Variants in KLK5 observed in about 807,000 individuals in gnomAD.
KLK5 encodes the protein kallikrein related peptidase 5.
KLK5 carries 18 observed loss-of-function variants against 24.0 expected under a neutral mutation model. That is an observed-to-expected ratio of 0.75 (90% CI 0.52 to 1.11). The LOEUF is 1.11. Ranked by LOEUF, KLK5 falls within the 50% of genes most tolerant of loss-of-function variation. The pLI is 0.00. For synonymous variants in KLK5, 140 were observed against 154.0 expected (o/e 0.91, Z 0.67); for missense variants, 374 against 379.2 (o/e 0.99, Z 0.11).
rs1246054385 is a variant in KLK5 at position 50,948,902 on chromosome 19, T to A, written c.549A>T (p.Thr183=). 2.5e-6 allele frequency: 4 copies of A among 1,614,070 alleles called. No homozygotes were observed. The highest frequency in any genetic ancestry group is 3.4e-6 in the Non-Finnish European group (4 of 1,180,012). ...NVSSHCPSAG[T]KCLVSGWGTT... ...TCCCCCAGCCAGACACCAAGCACTT[T>A]GTCCCAGCAGAGGGACAATGAGAGG... Residue 183 remains threonine, a synonymous_variant, in exon 4 of 6, where the codon ACA becomes ACT. Transcript: ENST00000336334.
chr19:50,948,836 T>C (rs949358187), intron 4 of KLK5, 23 bp downstream of exon 4: 6 of 1,613,826 alleles, frequency 3.7e-6, no homozygotes, highest in Admixed American at 3.3e-5. Context: ...TGGGTCGGTA[T>C]CAAGAAGAAC....
intron 5 of KLK5, 114 bp downstream of exon 5, chr19:50,948,526 G>A: frequency 9.8e-7 from 1 of 1,016,814 alleles, no homozygotes; most frequent in Non-Finnish European, 1.5e-6. Context: ...AGCTCTGTGA[G>A]AACAGGGGTC....
In KLK5 at chr19:50,947,976, C is replaced by T. The variant is rs2090650186; in HGVS notation, c.726+664G>A. On this transcript the variant is annotated intron_variant, in intron 5 of 5. Coordinates refer to ENST00000336334, the MANE Select transcript of KLK5 (RefSeq NM_012427.5). The surrounding 1 kb of genome is among the most constrained non-coding windows in gnomAD (Gnocchi z 8.7). ...ATGTGCTGTCAGCATAACATATATA[C>T]TCACTTTCAAAGACTTAATATGAAA... 6.6e-6 allele frequency among the ~76,000 whole-genome samples: 1 copy of T among 152,168 alleles called. No individual in the cohort carries two copies. The highest frequency in any genetic ancestry group is 2.1e-4 in the South Asian group (1 of 4,826).
At position 50,948,657 on chromosome 19, in the gene KLK5, C is replaced by G; in HGVS notation, c.709G>C (p.Gly237Arg). 4.3e-6 allele frequency: 7 copies of G among 1,614,126 alleles called. No individual in the cohort carries two copies. The highest frequency in any genetic ancestry group is 5.9e-6 in the Non-Finnish European group (7 of 1,180,012). Residue 237 changes from glycine (G) to arginine (R), a missense_variant, in exon 5 of 6, where the codon GGT (glycine) becomes CGT (arginine). By Grantham distance (125) the Gly-to-Arg change is moderately radical. Transcript: ENST00000336334. ...GTCCTCACCTGGCAGGAGTCTCTAC[C>G]TGCTTTGTCACCGGCGCAGAACATG... ...DTMFCAGDKA[G>R]RDSCQGDSGG...
At position 50,948,782 on chromosome 19, in the gene KLK5, C is replaced by A. The variant is rs375363821; in HGVS notation, c.593-9G>T. On this transcript the variant is annotated splice_polypyrimidine_tract_variant and intron_variant, in intron 4 of 5. Coordinates refer to ENST00000336334, the MANE Select transcript of KLK5 (RefSeq NM_012427.5). ...GACCTTAGGGAAGTGCACTGTCAAACAGGAACACAATGAGAAGTGGAGAAA... is the reference window on the plus strand; with the variant it reads ...GACCTTAGGGAAGTGCACTGTCAAAAAGGAACACAATGAGAAGTGGAGAAA... The A allele has an allele frequency of 1.2e-6, 2 of 1,613,936 alleles. No individual in the cohort carries two copies. The highest frequency in any genetic ancestry group is 1.7e-6 in the Non-Finnish European group (2 of 1,180,024).
intron 3 of KLK5, among the ~76,000 whole-genome samples, 179 bp downstream of exon 3, chr19:50,949,676 C>T (rs1175438376): frequency 6.8e-6 from 1 of 146,666 alleles, no homozygotes; most frequent in Non-Finnish European, 1.5e-5. Context: ...CCCAACTCGA[C>T]CTCCTCCTGC....
intron 2 of KLK5, among the ~76,000 whole-genome samples, chr19:50,950,930 C>CTAGA (rs926501126): frequency 1.4e-5 from 2 of 140,130 alleles, no homozygotes; most frequent in Non-Finnish European, 3.1e-5. Flanking sequence ...GAAGGGGGTT[C>CTAGA]TAGAAGGTAC....
chr19:50,945,066 C>T (rs1254703014), intron 5 of KLK5, among the ~76,000 whole-genome samples: 2 of 144,072 alleles, frequency 1.4e-5, no homozygotes, highest in Non-Finnish European at 3.0e-5. Context: ...CTTTCTCCTT[C>T]CTTCCTTCCT....
At position 50,952,883 on chromosome 19, in the gene KLK5, G is replaced by A. The variant is rs977576109; in HGVS notation, c.-148C>T. 7.3e-6 allele frequency: 3 copies of A among 411,650 alleles called. No homozygotes were observed. Among genetic ancestry groups the A allele is most frequent in the Admixed American group, 4.4e-5 (1 of 22,686 alleles). 25.5% of individuals were successfully genotyped at this position (411,650 alleles called of 1,614,324 possible). A position where few individuals can be genotyped will look rare whatever the true frequency, so the allele number is the denominator to read the frequency against. On this transcript the variant is annotated 5_prime_UTR_variant, in exon 1 of 6. Transcript: ENST00000336334. Reference sequence around the variant, plus strand: ...GCAAGGAGGGGACAGAGAAAGATGTGGGTGCAGGACGCACAGACACCTCTC... The same window carrying A: ...GCAAGGAGGGGACAGAGAAAGATGTAGGTGCAGGACGCACAGACACCTCTC...
In KLK5 at chr19:50,947,431, T is replaced by A. The variant is rs1430263456; in HGVS notation, c.726+1209A>T. On this transcript the variant is annotated intron_variant, in intron 5 of 5. Coordinates refer to ENST00000336334, the MANE Select transcript of KLK5 (RefSeq NM_012427.5). This position sits in a 1 kb window ranked among gnomAD's most constrained non-coding sequence, Gnocchi z 8.7. ...ATCCATTCTCTGCTCAAATGCCACC[T>A]CTCCAAGGAGGCTCCCCTGACCACC... Among the ~76,000 whole-genome samples, 1 of 152,156 alleles carries A rather than the reference T, an allele frequency of 6.6e-6. No individual in the cohort carries two copies. The highest frequency in any genetic ancestry group is 6.5e-5 in the Admixed American group (1 of 15,270).
chr19:50,944,478 C>T (rs1324232500), intron 5 of KLK5, among the ~76,000 whole-genome samples: 1 of 152,028 alleles, frequency 6.6e-6, no homozygotes, highest in African/African-American at 2.4e-5. Context: ...ATCTCTCCGC[C>T]TCCCTTTCTC....
chr19:50,952,800 G>T lies in KLK5; in HGVS notation c.-65C>A, dbSNP rs764800339. On this transcript the variant is annotated 5_prime_UTR_variant, in exon 1 of 6. Transcript: ENST00000336334. ...AAGGACGGGCCACCATCGGCACTGC[G>T]CTGAGACCCAGGCACTATAGAATTC... 8 of 548,580 alleles carry T rather than the reference G, an allele frequency of 1.5e-5. No individual in the cohort carries two copies. Among genetic ancestry groups the T allele is most frequent in the Admixed American group, 3.6e-5 (1 of 27,976 alleles). The allele number at this position is 548,580 out of a possible 1,614,324, so 34.0% of individuals were successfully genotyped here. A position where few individuals can be genotyped will look rare whatever the true frequency, so the allele number is the denominator to read the frequency against.
chr19:50,950,283 G>T (rs1876134550), intron 2 of KLK5, 167 bp from the exon 3 acceptor site: 1 of 655,804 alleles, frequency 1.5e-6, no homozygotes, highest in South Asian at 1.9e-5. Context: ...CCAGGCTCAA[G>T]CTCAAGGACA....
At position 50,949,719 on chromosome 19, in the gene KLK5, C is replaced by A; in HGVS notation, c.335+136G>T. 5.5e-6 allele frequency: 3 copies of A among 548,726 alleles called. 1 individual carries two copies. Among genetic ancestry groups the A allele is most frequent in the Non-Finnish European group, 8.4e-6 (3 of 355,284 alleles). The allele number at this position is 548,726 out of a possible 1,614,324, so 34.0% of individuals were successfully genotyped here. ...TCCCCAACCCATCCCCACCAACCCT[C>A]ACCTTCCATGACACCCCCAACCCCA... On this transcript the variant is annotated intron_variant, in intron 3 of 5. Coordinates refer to ENST00000336334, the MANE Select transcript of KLK5 (RefSeq NM_012427.5).
chr19:50,947,566 G>T lies in KLK5; in HGVS notation c.726+1074C>A, dbSNP rs190306497. On this transcript the variant is annotated intron_variant, in intron 5 of 5. Transcript: ENST00000336334. This position sits in a 1 kb window ranked among gnomAD's most constrained non-coding sequence, Gnocchi z 8.7. ...CTATTTATGCAGATTCTTGACCACAGAGTTTTTTATTTTTTAACTTTGTTC... is the reference window on the plus strand; with the variant it reads ...CTATTTATGCAGATTCTTGACCACATAGTTTTTTATTTTTTAACTTTGTTC... Among the ~76,000 whole-genome samples the T allele has an allele frequency of 6.6e-6, 1 of 152,276 alleles. No individual in the cohort carries two copies. Among genetic ancestry groups the T allele is most frequent in the African/African-American group, 2.4e-5 (1 of 41,542 alleles).
chr19:50,950,110 A>G lies in KLK5; in HGVS notation c.80T>C (p.Val27Ala), dbSNP rs1348597567. 7 of 1,608,472 alleles carry G rather than the reference A, an allele frequency of 4.4e-6. No individual in the cohort carries two copies. Among genetic ancestry groups the G allele is most frequent in the Non-Finnish European group, 5.9e-6 (7 of 1,176,942 alleles). The change falls in exon 3 of 6, where the codon GTT becomes GCT. Residue 27 changes from valine (V) to alanine (A), a missense_variant. By Grantham distance (64) the Val-to-Ala change is moderately conservative. Transcript: ENST00000336334. ...ACAGGAAACATCATTGTTGGCGAGA[A>G]CATGCTCTGGGAACGGAAAATGGGT... The part of the protein sequence containing the change: ...TALLLGVTEH[V>A]LANNDVSCDH...
At chr19:50,946,908 C>T (rs370815691) in intron 5 of KLK5, among the ~76,000 whole-genome samples, 11 of 152,084 alleles carry the variant, frequency 7.2e-5, no homozygotes, top group African/African-American at 2.4e-4. Flanking sequence ...ACCCACCCCC[C>T]CACACCCAGG....
At chr19:50,950,228 G>A (rs376862737) in intron 2 of KLK5, 112 bp from the exon 3 acceptor site, 97 of 944,840 alleles carry the variant, frequency 1.0e-4, no homozygotes, top group African/African-American at 1.0e-3. Flanking sequence ...ACATGCTGAG[G>A]GGGCAGGGGC....
rs762054760 is a variant in KLK5, at chr19:50,943,627, T to G, written c.*4A>C. 1.1e-5 allele frequency: 18 copies of G among 1,612,608 alleles called. No individual in the cohort carries two copies. Among genetic ancestry groups the G allele is most frequent in the Non-Finnish European group, 1.4e-5 (17 of 1,179,004 alleles). On this transcript the variant is annotated 3_prime_UTR_variant, in exon 6 of 6. Coordinates refer to ENST00000336334, the MANE Select transcript of KLK5 (RefSeq NM_012427.5). ...GATGCCGGTGTGCTGAGTCCTGGGA[T>G]GACTCAGGAGTTGGCCTGGATGGTT...
Sources: allele counts gnomAD v4.1 joint callset (sites outside exome capture counted in the v4.1 genomes callset), GRCh38; gene constraint gnomAD v4.1.1; non-coding constraint Gnocchi (gnomAD v3.1); transcripts MANE v1.5; gene names NCBI Gene and HGNC (gene_info 2026-07-23, HGNC 2026-07-21).